The following KANSL1 variants were observed in gnomAD, a reference collection of about 807,000 sequenced individuals.
The protein encoded by KANSL1 is KAT8 regulatory NSL complex subunit 1.
In KANSL1, 22 loss-of-function variants were observed where a neutral mutation model predicts 103.6. That is an observed-to-expected ratio of 0.21 (90% confidence interval 0.15 to 0.30). The LOEUF (loss-of-function observed/expected upper bound fraction) is 0.30, where lower values mean the gene tolerates loss of function less well. KANSL1 is among the 10% of genes least tolerant of loss of function. The probability of loss-of-function intolerance (pLI) is 1.00; values close to 1 mark genes in which losing one functional copy is unlikely to be tolerated. For synonymous variants in KANSL1, 600 were observed against 527.6 expected, an observed-to-expected ratio of 1.14 and a Z score of -1.88; for missense variants, 1,337 against 1,399.8, an observed-to-expected ratio of 0.96 and a Z score of 0.72.
At chr17:46,138,029 T>C (rs949708268) in intron 2 of KANSL1, among the ~76,000 whole-genome samples, 1 of 152,102 alleles carries the variant, frequency 6.6e-6, no homozygotes, top group African/African-American at 2.4e-5. Flanking sequence ...CTTAGGCTAG[T>C]GAAGTGATCT....
At chr17:46,038,990 G>A (rs992844666) in intron 9 of KANSL1, 37 bp downstream of exon 9, 3 of 1,591,200 alleles carry the variant, frequency 1.9e-6, no homozygotes, top group African/African-American at 1.4e-5. Context: ...CTGAGCAGGT[G>A]CAGTTGCAGG....
chr17:46,175,009 T>C (rs1164600403), intron 1 of KANSL1, among the ~76,000 whole-genome samples: 1 of 152,218 alleles, frequency 6.6e-6, no homozygotes, highest in Non-Finnish European at 1.5e-5. Flanking sequence ...AGAAAAACAA[T>C]TTATTTGCTG....
chr17:46,033,979 T>G (rs1032917709), intron 11 of KANSL1, among the ~76,000 whole-genome samples, 182 bp downstream of exon 11: 14 of 152,252 alleles, frequency 9.2e-5, no homozygotes, highest in African/African-American at 3.1e-4. Context: ...GTTTGGTGTA[T>G]TCCTATAATG....
chr17:46,175,446 T>C (rs1224076972), intron 1 of KANSL1, among the ~76,000 whole-genome samples: 1 of 152,008 alleles, frequency 6.6e-6, no homozygotes, highest in African/African-American at 2.4e-5. Flanking sequence ...GCCTCCTGTG[T>C]TGGAGTGATT....
chr17:46,200,720 C>T (rs908964674), intron 1 of KANSL1, among the ~76,000 whole-genome samples: 6 of 151,932 alleles, frequency 3.9e-5, no homozygotes, highest in East Asian at 1.9e-4. Context: ...CCAGCCTGGG[C>T]GACAGAGCGA....
chr17:46,125,077 G>GGAGGGAGA (rs2043480362), intron 2 of KANSL1, among the ~76,000 whole-genome samples: 1 of 48,248 alleles, frequency 2.1e-5, no homozygotes, highest in Non-Finnish European at 5.3e-5. Context: ...GAGGAGGGAG[G>GGAGGGAGA]GAGGGAGAGA....
At chr17:46,222,622 ACATGACCTAAGAT>A (rs2048566179) in intron 1 of KANSL1, 1 of 152,226 alleles carries the variant, frequency 6.6e-6, no homozygotes. Flanking sequence ...AACTCAGCCT[ACATGACCTAAGAT>A]TTCCCACAAG....
intron 2 of KANSL1, among the ~76,000 whole-genome samples, chr17:46,115,055 A>C (rs1033440016): frequency 6.6e-6 from 1 of 151,902 alleles, no homozygotes; most frequent in Admixed American, 6.6e-5. Flanking sequence ...TGTAAACCCA[A>C]GTTTTATTTA....
At chr17:46,119,189 C>G (rs1231484769) in intron 2 of KANSL1, among the ~76,000 whole-genome samples, 1 of 152,214 alleles carries the variant, frequency 6.6e-6, no homozygotes, top group Non-Finnish European at 1.5e-5. Flanking sequence ...ACGGTGCCTA[C>G]TATCCCCATA....
At chr17:46,112,238 T>C (rs768802650) in intron 2 of KANSL1, among the ~76,000 whole-genome samples, 3 of 149,720 alleles carry the variant, frequency 2.0e-5, no homozygotes, top group Non-Finnish European at 4.4e-5. Context: ...CATGATGGGG[T>C]GCACCTGTAG....
chr17:46,163,400 T>A (rs1356706887), intron 2 of KANSL1, among the ~76,000 whole-genome samples: 1 of 152,224 alleles, frequency 6.6e-6, no homozygotes, highest in Non-Finnish European at 1.5e-5. Flanking sequence ...TCTCACTTTG[T>A]CGCCCATGCT....
intron 1 of KANSL1, among the ~76,000 whole-genome samples, chr17:46,211,397 A>C (rs1390163953): frequency 1.3e-5 from 2 of 152,246 alleles, no homozygotes; most frequent in Non-Finnish European, 2.9e-5. Flanking sequence ...GCTAAAAAAG[A>C]AAATCTTAAA....
intron 2 of KANSL1, among the ~76,000 whole-genome samples, chr17:46,116,763 A>C (rs2043064269): frequency 6.6e-6 from 1 of 152,192 alleles, no homozygotes; most frequent in African/African-American, 2.4e-5. Flanking sequence ...TCAGTTTTCC[A>C]ATACAGCTCA....
intron 2 of KANSL1, among the ~76,000 whole-genome samples, chr17:46,121,078 A>G (rs976218186): frequency 6.6e-6 from 1 of 152,116 alleles, no homozygotes; most frequent in African/African-American, 2.4e-5. Context: ...TCTAACTTCA[A>G]AATATATCCA....
Position 46,095,660 on chromosome 17 carries a change from G to A in KANSL1, c.1290-959C>T, listed in dbSNP as rs1391042685. On this transcript the variant is annotated intron_variant, in intron 2 of 14. Coordinates refer to ENST00000432791, the MANE Select transcript of KANSL1 (RefSeq NM_015443.4). ...CTTAAAAGAATATCTTCGGGACTTA[G>A]AGCAGGGAGCATTTCTTAGATAATA... 2.6e-5 allele frequency among the ~76,000 whole-genome samples: 4 copies of A among 152,298 alleles called. No individual in the cohort carries two copies. The East Asian group carries it at 5.8e-4, about 22-fold the overall frequency.
chr17:46,217,967 A>G (rs1037823816), intron 1 of KANSL1, among the ~76,000 whole-genome samples: 1 of 152,218 alleles, frequency 6.6e-6, no homozygotes, highest in African/African-American at 2.4e-5. Flanking sequence ...CAGAGGTTGC[A>G]GTGAACCGAT....
chr17:46,178,686 T>C (rs1328633883), intron 1 of KANSL1, among the ~76,000 whole-genome samples: 1 of 152,268 alleles, frequency 6.6e-6, no homozygotes. Flanking sequence ...AGATGTTAAA[T>C]GCACTCAGCA....
intron 1 of KANSL1, among the ~76,000 whole-genome samples, chr17:46,183,278 A>T (rs1053100868): frequency 1.1e-4 from 17 of 149,198 alleles, no homozygotes; most frequent in African/African-American, 2.5e-4. Context: ...AAAAACACTA[A>T]TTTTTTTTTT....
chr17:46,063,046 T>C (rs2146620247), intron 6 of KANSL1, among the ~76,000 whole-genome samples: 1 of 152,240 alleles, frequency 6.6e-6, no homozygotes, highest in South Asian at 2.1e-4. Flanking sequence ...CAAGACTCCA[T>C]CTCAAAGAAA....
Sources: allele counts gnomAD v4.1 joint callset (sites outside exome capture counted in the v4.1 genomes callset), GRCh38; gene constraint gnomAD v4.1.1; transcripts MANE v1.5; gene names NCBI Gene and HGNC (gene_info 2026-07-23, HGNC 2026-07-21).